The following PDXP variants were observed in gnomAD, a reference collection of about 807,000 sequenced individuals.
PDXP encodes the protein pyridoxal phosphatase, also known as chronophin.
PDXP carries 15 observed loss-of-function variants against 14.4 expected under a neutral mutation model. The ratio of observed to expected loss-of-function variants is 1.04; its 90% CI spans 0.70 to 1.60. The LOEUF (loss-of-function observed/expected upper bound fraction) is 1.60. PDXP is among the 40% of genes most tolerant of loss of function. The pLI, the probability that PDXP is intolerant of heterozygous loss-of-function variation, is 0.00. For missense variants in PDXP, 413 were observed against 427.6 expected (o/e 0.97, Z 0.30); for synonymous variants, 233 against 205.6 (o/e 1.13, Z -1.14).
chr22:37,665,519 C>T (rs1220261638), intron 1 of PDXP, 36 bp from the exon 2 acceptor site: 23 of 1,531,340 alleles, frequency 1.5e-5, no homozygotes, highest in Admixed American at 1.8e-5. Context: ...CTGTCCCTGC[C>T]GCCCTCCTGC....
chr22:37,662,427 A>G (rs1347528247), intron 1 of PDXP, among the ~76,000 whole-genome samples: 1 of 152,176 alleles, frequency 6.6e-6, no homozygotes, highest in Non-Finnish European at 1.5e-5. Context: ...TGCGCTGAGA[A>G]ACATGGAATA....
Position 37,666,149 on chromosome 22 carries a change from A to G in PDXP, c.*278A>G. On this transcript the variant is annotated 3_prime_UTR_variant, in exon 2 of 2. Coordinates refer to ENST00000215904, the MANE Select transcript of PDXP (RefSeq NM_020315.5). ...TCTTCCCTGTCACCTCCCCTCCTTG[A>G]AATCTGGGCCCTGGTGCCTGCTGAA... The G allele has an allele frequency of 9.6e-6, 5 of 520,208 alleles. No homozygotes were observed. In the South Asian group the frequency reaches 1.2e-4, roughly 13 times the overall value. 32.2% of individuals were successfully genotyped at this position (520,208 alleles called of 1,614,324 possible).
In PDXP at chr22:37,662,649, A is replaced by C. The variant is rs371377265; in HGVS notation, c.575-2906A>C. On this transcript the variant is annotated intron_variant, in intron 1 of 1. Transcript: ENST00000215904. ...GAGCAGAGGCTAGTGTGGTTCAGTA[A>C]CTAAGAAGTGATGAGTTTTGAGAAC... Among the ~76,000 whole-genome samples the C allele has an allele frequency of 7.9e-5, 12 of 152,228 alleles. No individual in the cohort carries two copies. The East Asian group carries it at 1.5e-3, about 20-fold the overall frequency.
At position 37,659,257 on chromosome 22, in the gene PDXP, C is replaced by T. The variant is rs745754067; in HGVS notation, c.475C>T (p.Leu159=). The T allele has an allele frequency of 1.4e-5, 18 of 1,324,318 alleles. No homozygotes were observed. The highest frequency in any genetic ancestry group is 1.6e-5 in the Non-Finnish European group (16 of 1,031,716). 82.0% of individuals were successfully genotyped at this position (1,324,318 alleles called of 1,614,324 possible). A position where few individuals can be genotyped will look rare whatever the true frequency, so the allele number is the denominator to read the frequency against. Residue 159 remains leucine, a synonymous_variant, in exon 1 of 2, where the codon CTG becomes TTG. Coordinates refer to ENST00000215904, the MANE Select transcript of PDXP (RefSeq NM_020315.5). ...GYDEHFSFAK[L]REACAHLRDP... ...CGACGAGCACTTCTCCTTCGCCAAG[C>T]TGAGGGAGGCGTGCGCGCACCTGCG... is the stretch of plus-strand genomic sequence containing the variant.
intron 1 of PDXP, among the ~76,000 whole-genome samples, chr22:37,663,919 CTTTTTTTTTTTTT>C (rs11335821): frequency 1.0e-5 from 1 of 98,310 alleles, no homozygotes; most frequent in Non-Finnish European, 2.0e-5. Flanking sequence ...AATACGTTGA[CTTTTTTTTTTTTT>C]TTTTTTTTTT....
At chr22:37,659,501 G>A (rs1476159513) in intron 1 of PDXP, 145 bp downstream of exon 1, 1 of 509,660 alleles carries the variant, frequency 2.0e-6, no homozygotes, top group African/African-American at 2.0e-5. Flanking sequence ...GTGCTTTGGT[G>A]TGGGGGGCGG....
chr22:37,663,519 C>G (rs1434528419), intron 1 of PDXP, among the ~76,000 whole-genome samples: 1 of 151,898 alleles, frequency 6.6e-6, no homozygotes, highest in Non-Finnish European at 1.5e-5. Flanking sequence ...CCTGTGTCCA[C>G]TTCTCTTCAC....
rs60704627 is a variant in PDXP, at chr22:37,666,356, T to C, written c.*485T>C. The C allele has an allele frequency of 0.018, 3,401 of 188,336 alleles. 117 individuals are homozygous for C. The highest frequency in any genetic ancestry group is 0.073 in the African/African-American group (3,091 of 42,118). 11.7% of individuals were successfully genotyped at this position (188,336 alleles called of 1,614,324 possible). On this transcript the variant is annotated 3_prime_UTR_variant, in exon 2 of 2. Transcript: ENST00000215904. ...GTGATAGTGACTCATCAATGTTGGG[T>C]CCTGTGGGGTACCAGTTTAGGTTCC...
chr22:37,661,963 A>T (rs1174732021), intron 1 of PDXP, among the ~76,000 whole-genome samples: 1 of 68,510 alleles, frequency 1.5e-5, no homozygotes, highest in Non-Finnish European at 2.7e-5. Context: ...TTTTTTTGAG[A>T]CAGAGTCTTG....
At chr22:37,662,644 C>T (rs1185988653) in intron 1 of PDXP, among the ~76,000 whole-genome samples, 2 of 152,182 alleles carry the variant, frequency 1.3e-5, no homozygotes, top group African/African-American at 4.8e-5. Context: ...TAGTGTGGTT[C>T]AGTAACTAAG....
At chr22:37,662,417 T>TG (rs1933223355) in intron 1 of PDXP, among the ~76,000 whole-genome samples, 1 of 152,140 alleles carries the variant, frequency 6.6e-6, no homozygotes. Flanking sequence ...AGACCAGTGG[T>TG]GCGCTGAGAA....
rs1259325253 is a variant in PDXP at position 37,666,735 on chromosome 22, A to G, written c.*864A>G. The G allele has an allele frequency of 6.0e-6, 1 of 167,094 alleles. No individual in the cohort carries two copies. Among genetic ancestry groups the G allele is most frequent in the Non-Finnish European group, 1.5e-5 (1 of 68,138 alleles). The allele number at this position is 167,094 out of a possible 1,614,324, so 10.4% of individuals were successfully genotyped here. ...TGGTACCCGTACAGCGTTGATGGCC[A>G]CAGCTCGAAGGGGGGCTTTCGTGTC... On this transcript the variant is annotated 3_prime_UTR_variant, in exon 2 of 2. Coordinates refer to ENST00000215904, the MANE Select transcript of PDXP (RefSeq NM_020315.5).
At chr22:37,664,719 AC>A (rs1411231506) in intron 1 of PDXP, among the ~76,000 whole-genome samples, 2 of 152,216 alleles carry the variant, frequency 1.3e-5, no homozygotes. Flanking sequence ...CGTCTGTGGG[AC>A]AGGCACAGTG....
At chr22:37,661,939 T>A (rs1299038580) in intron 1 of PDXP, among the ~76,000 whole-genome samples, 3 of 72,100 alleles carry the variant, frequency 4.2e-5, no homozygotes, top group African/African-American at 1.0e-4. Flanking sequence ...TTTTTTTTTT[T>A]TTTTTTTTTT....
At chr22:37,665,270 C>A (rs1267477738) in intron 1 of PDXP, among the ~76,000 whole-genome samples, 1 of 151,898 alleles carries the variant, frequency 6.6e-6, no homozygotes, top group African/African-American at 2.4e-5. Flanking sequence ...CCTCACAGTA[C>A]CCACATGAGA....
Position 37,665,684 on chromosome 22 carries a change from T to C in PDXP, c.704T>C (p.Met235Thr), listed in dbSNP as rs2146092349. The C allele has an allele frequency of 3.7e-6, 6 of 1,614,128 alleles. No homozygotes were observed. Among genetic ancestry groups the C allele is most frequent in the East Asian group, 2.2e-5 (1 of 44,880 alleles). ...NFSIDPARTL[M>T]VGDRLETDIL... is the part of the protein sequence containing the mutation. ...AGCATCGACCCCGCACGCACGCTTA[T>C]GGTGGGTGACCGCCTGGAGACCGAC... Residue 235 changes from methionine (M) to threonine (T), a missense_variant, in exon 2 of 2, where the codon ATG (methionine) becomes ACG (threonine). Transcript: ENST00000215904.
At position 37,659,372 on chromosome 22, in the gene PDXP, G is replaced by C; in HGVS notation, c.574+16G>C. ...CGGACCCCTGGTGAGCGCGGGAATG[G>C]CGGGGAAACTGAGATGGGGGCGACC... On this transcript the variant is annotated intron_variant, in intron 1 of 1. Transcript: ENST00000215904. 7.7e-7 allele frequency: 1 copy of C among 1,295,066 alleles called. No individual in the cohort carries two copies. The highest frequency in any genetic ancestry group is 9.8e-7 in the Non-Finnish European group (1 of 1,020,004). The allele number at this position is 1,295,066 out of a possible 1,614,324, so 80.2% of individuals were successfully genotyped here.
chr22:37,661,917 A>ATTTTTTTATTTTTT (rs1933212380), intron 1 of PDXP, among the ~76,000 whole-genome samples: 1 of 71,190 alleles, frequency 1.4e-5, no homozygotes, highest in African/African-American at 6.0e-5. Flanking sequence ...TTTTTCTTTA[A>ATTTTTTTATTTTTT]TTTTTTTTTT....
rs957822835 is a variant in PDXP, at chr22:37,665,124, G to A, written c.575-431G>A. On this transcript the variant is annotated intron_variant, in intron 1 of 1. Coordinates refer to ENST00000215904, the MANE Select transcript of PDXP (RefSeq NM_020315.5). Reference sequence around the variant, plus strand: ...TGGAGGTAGGCATTACTTGGATTCCGCTTTCTCAGGAGTCCGGAGAAACTT... The same window carrying A: ...TGGAGGTAGGCATTACTTGGATTCCACTTTCTCAGGAGTCCGGAGAAACTT... 9 of 200,628 alleles carry A rather than the reference G, an allele frequency of 4.5e-5. No homozygotes were observed. The Admixed American group carries it at 4.7e-4, about 10-fold the overall frequency. The allele number at this position is 200,628 out of a possible 1,614,324, so 12.4% of individuals were successfully genotyped here.
Sources: allele counts gnomAD v4.1 joint callset (sites outside exome capture counted in the v4.1 genomes callset), GRCh38; gene constraint gnomAD v4.1.1; transcripts MANE v1.5; gene names NCBI Gene and HGNC (gene_info 2026-07-23, HGNC 2026-07-21).